The following CD8B variants were observed in gnomAD, a reference collection of about 807,000 sequenced individuals.
CD8B encodes T-cell surface glycoprotein CD8 beta chain.
Under a neutral mutation model 24.2 loss-of-function variants are expected in CD8B, and 6 were observed. The ratio of observed to expected loss-of-function variants is 0.25; its 90% CI spans 0.14 to 0.49. The LOEUF (loss-of-function observed/expected upper bound fraction) is 0.49, where lower values mean the gene tolerates loss of function less well. Among genes scored for constraint, CD8B ranks in the 20% least tolerant of loss-of-function variants. The pLI, the probability that CD8B is intolerant of heterozygous loss-of-function variation, is 0.98. For synonymous variants in CD8B, 84 were observed against 108.3 expected, an observed-to-expected ratio of 0.78 and a Z score of 1.39; for missense variants, 196 against 271.3, an observed-to-expected ratio of 0.72 and a Z score of 1.95.
At position 86,827,436 on chromosome 2, in the gene CD8B, C is replaced by T. The variant is rs1358888293; in HGVS notation, c.621-11718G>A. 2.0e-5 allele frequency among the ~76,000 whole-genome samples: 3 copies of T among 151,870 alleles called. No individual in the cohort carries two copies. The East Asian group carries it at 5.8e-4, about 29-fold the overall frequency. On this transcript the variant is annotated intron_variant, in intron 5 of 5. Coordinates refer to the CD8B transcript ENST00000331469. ...GAGCCCAGATTGAGACCAGCCTGGC[C>T]AACATGGTGAAACCCCATCTCCACA...
chr2:86,859,161 T>C (rs1446453677), intron 1 of CD8B, among the ~76,000 whole-genome samples: 1 of 151,922 alleles, frequency 6.6e-6, no homozygotes, highest in Non-Finnish European at 1.5e-5. Context: ...GCAGAGCATG[T>C]GGCTGGTCTG....
rs563876847 is a variant in CD8B at position 86,844,767 on chromosome 2, C to T, written c.620+155G>A. ...AAGTGATCCTCCTGCTTCAGCCTCC[C>T]GAGTAGCTGTGACTACAGGTGTGCA... On this transcript the variant is annotated intron_variant, in intron 5 of 5. Coordinates refer to ENST00000390655, the MANE Select transcript of CD8B (RefSeq NM_004931.5). 1,481 of 1,536,746 alleles carry T rather than the reference C, an allele frequency of 9.6e-4. 3 individuals are homozygous for T. Among genetic ancestry groups the T allele is most frequent in the Non-Finnish European group, 1.2e-3 (1,406 of 1,139,390 alleles).
downstream of CD8B, among the ~76,000 whole-genome samples, chr2:86,833,365 A>G (rs1253744311): frequency 6.6e-6 from 1 of 151,690 alleles, no homozygotes; most frequent in African/African-American, 2.4e-5. Flanking sequence ...TTTTTAGTAG[A>G]GACAGAATTT....
rs1243175045 is a variant in CD8B at position 86,840,259 on chromosome 2, T to C, written c.*2048A>G. 3.3e-5 allele frequency among the ~76,000 whole-genome samples: 5 copies of C among 150,404 alleles called. No individual in the cohort carries two copies. The highest frequency in any genetic ancestry group is 5.9e-5 in the Non-Finnish European group (4 of 67,874). On this transcript the variant is annotated 3_prime_UTR_variant, in exon 6 of 6. Transcript: ENST00000390655. ...CTGGGGGCAGGGAATCTGAGGCCAA[T>C]TTGTGCTGACTTCTCAAAGCTGGAG...
At chr2:86,857,689 C>T (rs1452969034) in intron 2 of CD8B, among the ~76,000 whole-genome samples, 1 of 152,086 alleles carries the variant, frequency 6.6e-6, no homozygotes, top group Non-Finnish European at 1.5e-5. Flanking sequence ...CACTGCACCC[C>T]AGCCTGGGCA....
intron 5 of CD8B, among the ~76,000 whole-genome samples, chr2:86,827,499 C>T (rs757779693): frequency 1.3e-5 from 2 of 151,898 alleles, no homozygotes; most frequent in Non-Finnish European, 2.9e-5. Context: ...TGGCATGTGC[C>T]TGTGGTCCCA....
At chr2:86,857,367 G>A (rs547511268) in intron 2 of CD8B, among the ~76,000 whole-genome samples, 136 of 152,294 alleles carry the variant, frequency 8.9e-4, no homozygotes, top group African/African-American at 2.9e-3. Context: ...CAATCCAGCC[G>A]TAGCTTTGAA....
intron 3 of CD8B, among the ~76,000 whole-genome samples, chr2:86,848,460 G>A (rs1284995048): frequency 1.3e-5 from 2 of 151,954 alleles, no homozygotes; most frequent in Admixed American, 6.6e-5. Context: ...CACTATCAAT[G>A]TCCCAAATCC....
chr2:86,846,749 A>C lies in CD8B; in HGVS notation c.518T>G (p.Leu173Arg). The change falls in exon 4 of 6, where the codon CTT (leucine) becomes CGT (arginine). Residue 173 changes from leucine to arginine, a missense_variant. Leu to Arg is a moderately radical substitution (Grantham distance 102). Coordinates refer to ENST00000390655, the MANE Select transcript of CD8B (RefSeq NM_004931.5). Reference sequence around the variant, plus strand: ...CAGGACGCCAGCCACCAGCAGGCCAAGGGTGATGGGGCTACAAAGTGGGCC... The same window carrying C: ...CAGGACGCCAGCCACCAGCAGGCCACGGGTGATGGGGCTACAAAGTGGGCC... ...QKGPLCSPIT[L>R]GLLVAGVLVL... 6.3e-7 allele frequency: 1 copy of C among 1,583,798 alleles called. No homozygotes were observed. The highest frequency in any genetic ancestry group is 8.6e-7 in the Non-Finnish European group (1 of 1,164,242).
Position 86,851,883 on chromosome 2 carries a change from T to C in CD8B, c.493+1114A>G, listed in dbSNP as rs577563625. 2.2e-4 allele frequency among the ~76,000 whole-genome samples: 34 copies of C among 152,344 alleles called. 1 individual carries two copies. The Middle Eastern group carries it at 0.02, about 91-fold the overall frequency. On this transcript the variant is annotated intron_variant, in intron 3 of 5. Coordinates refer to ENST00000390655, the MANE Select transcript of CD8B (RefSeq NM_004931.5). ...TCCAGCTGAGGTGTCTGGTGTAGCA[T>C]AGAGAAGCAAATGTGTTCATTTGCA...
chr2:86,858,166 C>A lies in CD8B; in HGVS notation c.294G>T (p.Arg98=). Residue 98 remains arginine, a synonymous_variant, in exon 2 of 6, where the codon CGG becomes CGT. Transcript: ENST00000390655. ...EKIAVFRDAS[R]FILNLTSVKP... Reference sequence around the variant, plus strand: ...TCACGCTTGTGAGATTGAGAATGAACCGGCTTGCATCCCGAAACACAGCTA... The same window carrying A: ...TCACGCTTGTGAGATTGAGAATGAAACGGCTTGCATCCCGAAACACAGCTA... 6.2e-7 allele frequency: 1 copy of A among 1,614,002 alleles called. No homozygotes were observed. The highest frequency in any genetic ancestry group is 8.5e-7 in the Non-Finnish European group (1 of 1,179,866).
At chr2:86,824,724 G>A (rs1366143239) in intron 5 of CD8B, among the ~76,000 whole-genome samples, 1 of 152,158 alleles carries the variant, frequency 6.6e-6, no homozygotes, top group African/African-American at 2.4e-5. Context: ...ACTCAGGGAT[G>A]CTTTCTTGTG....
intron 5 of CD8B, among the ~76,000 whole-genome samples, chr2:86,820,482 C>G (rs1674422342): frequency 6.6e-6 from 1 of 152,196 alleles, no homozygotes; most frequent in African/African-American, 2.4e-5. Flanking sequence ...TCACTGAAAG[C>G]TCAGGTGATT....
At chr2:86,860,993 T>C (rs1402520962) in intron 1 of CD8B, among the ~76,000 whole-genome samples, 1 of 152,220 alleles carries the variant, frequency 6.6e-6, no homozygotes, top group Admixed American at 6.5e-5. Context: ...CTGATGTTTC[T>C]AGATCCATCA....
chr2:86,842,119 A>G lies in CD8B; in HGVS notation c.*188T>C, dbSNP rs1399687038. The stretch of plus-strand genomic sequence containing the variant: ...TGAAACCTTCTCCCTAGTATTCCCG[A>G]TGACCCACGAACAAGTTGCTCCCAT... On this transcript the variant is annotated 3_prime_UTR_variant, in exon 6 of 6. Coordinates refer to ENST00000390655, the MANE Select transcript of CD8B (RefSeq NM_004931.5). The G allele has an allele frequency of 2.1e-6, 3 of 1,416,514 alleles. No homozygotes were observed. The highest frequency in any genetic ancestry group is 2.8e-6 in the Non-Finnish European group (3 of 1,081,368). The allele number at this position is 1,416,514 out of a possible 1,614,324, so 87.7% of individuals were successfully genotyped here. A position where few individuals can be genotyped will look rare whatever the true frequency, so the allele number is the denominator to read the frequency against.
At chr2:86,829,472 G>T (rs1284698663) in intron 5 of CD8B, among the ~76,000 whole-genome samples, 2 of 152,046 alleles carry the variant, frequency 1.3e-5, no homozygotes, top group Admixed American at 1.3e-4. Flanking sequence ...AGTCAGGCTG[G>T]GGGGAGTCAG....
At chr2:86,821,292 T>G (rs1241464141) in intron 5 of CD8B, among the ~76,000 whole-genome samples, 2 of 152,036 alleles carry the variant, frequency 1.3e-5, no homozygotes, top group African/African-American at 4.8e-5. Flanking sequence ...AATCGAAGCT[T>G]TCGGATTTAT....
intron 5 of CD8B, among the ~76,000 whole-genome samples, chr2:86,823,205 G>A (rs980624536): frequency 6.6e-6 from 1 of 151,798 alleles, no homozygotes; most frequent in Non-Finnish European, 1.5e-5. Flanking sequence ...CACCACTCTT[G>A]GTACCTCCTG....
At chr2:86,849,465 A>G (rs983955056) in intron 3 of CD8B, among the ~76,000 whole-genome samples, 3 of 151,674 alleles carry the variant, frequency 2.0e-5, no homozygotes, top group Non-Finnish European at 4.4e-5. Flanking sequence ...TTCCACTTCT[A>G]TGAGATGCCC....
Sources: gnomAD v4.1 joint callset for allele counts (sites outside exome capture counted in the v4.1 genomes callset) on GRCh38, gnomAD v4.1.1 for gene constraint, MANE v1.5 for transcripts, NCBI Gene and HGNC (gene_info 2026-07-23, HGNC 2026-07-21) for gene names.